The following LONP2 variants were observed in gnomAD, a reference collection of about 807,000 sequenced individuals.
LONP2 encodes the protein lon peptidase 2, peroxisomal.
A neutral mutation model predicts 85.6 loss-of-function variants in LONP2; 60 were observed. The observed-to-expected ratio is 0.70, with a 90% confidence interval of 0.57 to 0.87. LONP2 has a LOEUF of 0.87. LONP2 is among the 40% of genes least tolerant of loss of function. The probability of loss-of-function intolerance (pLI) is 0.00; values close to 1 mark genes in which losing one functional copy is unlikely to be tolerated. For synonymous variants in LONP2, 395 were observed against 389.7 expected, an observed-to-expected ratio of 1.01 and a Z score of -0.16; for missense variants, 860 against 1,063.5, an observed-to-expected ratio of 0.81 and a Z score of 2.66.
chr16:48,317,520 C>A (rs1973171341), intron 11 of LONP2, among the ~76,000 whole-genome samples: 1 of 152,148 alleles, frequency 6.6e-6, no homozygotes, highest in Non-Finnish European at 1.5e-5. Flanking sequence ...TAGGCTTCTA[C>A]CTATATAATT....
chr16:48,254,520 C>T (rs147098936), intron 2 of LONP2, among the ~76,000 whole-genome samples: 2,582 of 152,108 alleles, frequency 0.017, 89 homozygotes, highest in African/African-American at 0.06. Context: ...TGCGCCACCA[C>T]GCCCGGCTAA....
At chr16:48,360,714 T>C (rs1279639495), downstream of LONP2, 1 of 152,576 alleles carries the variant, frequency 6.6e-6, no homozygotes, top group African/African-American at 2.4e-5. Flanking sequence ...GTCCAAGATA[T>C]CTGAAAAAGG....
intron 7 of LONP2, among the ~76,000 whole-genome samples, chr16:48,276,724 A>G (rs945715832): frequency 6.6e-6 from 1 of 152,320 alleles, no homozygotes; most frequent in South Asian, 2.1e-4. Flanking sequence ...GTTTTGTTCA[A>G]AAGGACAGAA....
intron 2 of LONP2, among the ~76,000 whole-genome samples, chr16:48,256,378 T>C (rs1971761122): frequency 6.6e-6 from 1 of 152,254 alleles, no homozygotes; most frequent in Non-Finnish European, 1.5e-5. Flanking sequence ...AAAACCCTTG[T>C]AAACATTAGT....
rs1292040621 is a variant in LONP2, at chr16:48,352,416, T to C, written c.*614T>C. 1.3e-5 allele frequency: 2 copies of C among 152,094 alleles called. No individual in the cohort carries two copies. The highest frequency in any genetic ancestry group is 4.8e-5 in the African/African-American group (2 of 41,316). The allele number at this position is 152,094 out of a possible 1,614,324, so 9.4% of individuals were successfully genotyped here. On this transcript the variant is annotated 3_prime_UTR_variant, in exon 15 of 15. Coordinates refer to ENST00000285737, the MANE Select transcript of LONP2 (RefSeq NM_031490.5). ...ATTCCAGCACTTTGGGAGGTCGAGG[T>C]AGGCAGATCACCGAGCCCAAGAGTT...
At chr16:48,322,652 A>G (rs1338263021) in intron 11 of LONP2, among the ~76,000 whole-genome samples, 1 of 152,212 alleles carries the variant, frequency 6.6e-6, no homozygotes, top group Non-Finnish European at 1.5e-5. Flanking sequence ...AGGCAGGAAG[A>G]TTGCTTGAAC....
chr16:48,362,499 T>C lies in LONP2; in HGVS notation c.*636T>C. On this transcript the variant is annotated 3_prime_UTR_variant, in exon 5 of 5. Transcript: ENST00000565867. The surrounding 1 kb of genome is among the most constrained non-coding windows in gnomAD (Gnocchi z 4.2). The stretch of plus-strand genomic sequence containing the variant: ...CATGACTTACTTTATAAATAATGTT[T>C]ACATGCCATAAGTCCTTTTAAAGTT... The C allele has an allele frequency of 1.3e-6, 2 of 1,491,724 alleles. 1 individual carries two copies. Among genetic ancestry groups the C allele is most frequent in the Middle Eastern group, 3.5e-4 (2 of 5,720 alleles). 92.4% of individuals were successfully genotyped at this position (1,491,724 alleles called of 1,614,324 possible).
At chr16:48,290,431 C>T (rs573197134) in intron 8 of LONP2, among the ~76,000 whole-genome samples, 6 of 152,248 alleles carry the variant, frequency 3.9e-5, no homozygotes, top group South Asian at 2.1e-4. Flanking sequence ...TCAGATCCTA[C>T]GGGTTGAGCA....
chr16:48,285,855 G>A (rs1972428503), intron 8 of LONP2, among the ~76,000 whole-genome samples: 2 of 151,974 alleles, frequency 1.3e-5, no homozygotes, highest in Admixed American at 1.3e-4. Flanking sequence ...GTAATGTTAA[G>A]CACATTCGCA....
At chr16:48,296,316 G>A in intron 9 of LONP2, 151 bp downstream of exon 9, 3 of 843,964 alleles carry the variant, frequency 3.6e-6, no homozygotes, top group Non-Finnish European at 5.3e-6. Flanking sequence ...CAGTTTCTAT[G>A]TAGCTTCAAA....
At chr16:48,331,626 G>A (rs932724608) in intron 11 of LONP2, among the ~76,000 whole-genome samples, 5 of 150,056 alleles carry the variant, frequency 3.3e-5, no homozygotes, top group South Asian at 2.1e-4. Context: ...GTGCAGTGGC[G>A]CGATCTCCGC....
At chr16:48,333,069 C>T (rs1418100421) in intron 11 of LONP2, among the ~76,000 whole-genome samples, 2 of 152,260 alleles carry the variant, frequency 1.3e-5, no homozygotes, top group African/African-American at 2.4e-5. Flanking sequence ...AGAACAATTA[C>T]GGCAAACTAA....
downstream of LONP2, among the ~76,000 whole-genome samples, chr16:48,359,769 T>G (rs975532010): frequency 1.3e-5 from 2 of 151,598 alleles, no homozygotes; most frequent in African/African-American, 4.8e-5. Flanking sequence ...GATATTTATG[T>G]AAGGAAGAGA....
intron 9 of LONP2, among the ~76,000 whole-genome samples, chr16:48,298,857 C>T (rs975740140): frequency 2.0e-5 from 3 of 151,584 alleles, no homozygotes; most frequent in African/African-American, 7.3e-5. Context: ...TTTGTGAAAA[C>T]GTTGGAAATT....
At chr16:48,246,084 A>G (rs544498520) in intron 1 of LONP2, among the ~76,000 whole-genome samples, 3 of 152,258 alleles carry the variant, frequency 2.0e-5, no homozygotes, top group African/African-American at 7.2e-5. Flanking sequence ...TGCTTTCTTC[A>G]GATTCTCAAA....
At chr16:48,308,001 T>C (rs947148575) in intron 11 of LONP2, among the ~76,000 whole-genome samples, 14 of 152,146 alleles carry the variant, frequency 9.2e-5, no homozygotes, top group African/African-American at 3.1e-4. Context: ...TCATGTGAAC[T>C]CATTACCATG....
intron 6 of LONP2, among the ~76,000 whole-genome samples, chr16:48,266,385 T>C (rs940548057): frequency 6.6e-6 from 1 of 151,776 alleles, no homozygotes; most frequent in Admixed American, 6.6e-5. Context: ...ACTTCACAAA[T>C]GTAGTATGTA....
In LONP2 at chr16:48,351,505, G is replaced by T. The variant is rs894555937; in HGVS notation, c.2338-76G>T. ...TAAAATAGTAGTGGTTAAATTCAGTGAAAGAAAGCTGGGTCAGGGTTTCTT... is the reference window on the plus strand; with the variant it reads ...TAAAATAGTAGTGGTTAAATTCAGTTAAAGAAAGCTGGGTCAGGGTTTCTT... On this transcript the variant is annotated intron_variant, in intron 14 of 14. Coordinates refer to ENST00000285737, the MANE Select transcript of LONP2 (RefSeq NM_031490.5). 2.5e-5 allele frequency: 30 copies of T among 1,178,420 alleles called. No individual in the cohort carries two copies. The African/African-American group carries it at 4.1e-4, about 16-fold the overall frequency. The allele number at this position is 1,178,420 out of a possible 1,614,324, so 73.0% of individuals were successfully genotyped here. A position where few individuals can be genotyped will look rare whatever the true frequency, so the allele number is the denominator to read the frequency against.
chr16:48,354,079 T>TGG lies in LONP2; in HGVS notation c.*2284_*2285dup, dbSNP rs60798968. 90 of 17,360 alleles carry TGG rather than the reference T, an allele frequency of 5.2e-3. 1 individual carries two copies. The highest frequency in any genetic ancestry group is 0.014 in the African/African-American group (76 of 5,428). The allele number at this position is 17,360 out of a possible 1,614,324, so 1.1% of individuals were successfully genotyped here. On this transcript the variant is annotated 3_prime_UTR_variant, in exon 15 of 15. Transcript: ENST00000285737. ...CTTTTTCACCTGGGTTTTTTTTTTT[T>TGG]GGGGGGGGTGGGGGGTTAGGGGTGG... is the stretch of plus-strand genomic sequence containing the variant.
Sources: allele counts gnomAD v4.1 joint callset (sites outside exome capture counted in the v4.1 genomes callset), GRCh38; gene constraint gnomAD v4.1.1; non-coding constraint Gnocchi (gnomAD v3.1); transcripts MANE v1.5; gene names NCBI Gene and HGNC (gene_info 2026-07-23, HGNC 2026-07-21).